The following RNF213 variants were observed in gnomAD, a reference collection of about 807,000 sequenced individuals.
RNF213 encodes E3 ubiquitin-protein ligase RNF213.
RNF213 carries 341 observed loss-of-function variants against 514.4 expected under a neutral mutation model. The observed-to-expected ratio is 0.66, with a 90% CI of 0.61 to 0.73. The LOEUF (loss-of-function observed/expected upper bound fraction) is 0.73. RNF213 is among the 30% of genes least tolerant of loss of function. The pLI, the probability that RNF213 is intolerant of heterozygous loss-of-function variation, is 0.00. For synonymous variants in RNF213, 2,655 were observed against 2,658.2 expected (o/e 1.00, Z 0.04); for missense variants, 5,767 against 6,615.6 (o/e 0.87, Z 4.45).
chr17:80,289,715 G>A lies in RNF213; in HGVS notation c.990G>A (p.Lys330=), dbSNP rs17853713. ...EMAAAEEKVG[K]NEQGEPEDLK... is the part of the protein sequence containing the mutation. The stretch of plus-strand genomic sequence containing the variant: ...CTGCTGCTGAAGAAAAAGTCGGTAA[G>A]AATGAACAAGGGGAGCCTGAAGACC... The change falls in exon 6 of 68, where the codon AAG becomes AAA. Residue 330 remains lysine (K), a synonymous_variant. Transcript: ENST00000582970. 0.2 allele frequency: 321,282 copies of A among 1,613,568 alleles called. 34,904 individuals carry two copies. The highest frequency in any genetic ancestry group is 0.41 in the African/African-American group (30,684 of 74,818).
intron 3 of RNF213, among the ~76,000 whole-genome samples, chr17:80,279,616 C>T (rs2044187274): frequency 6.6e-6 from 1 of 151,948 alleles, no homozygotes; most frequent in Admixed American, 6.6e-5. Context: ...AGGCACCTGC[C>T]ACCACGCCCG....
At position 80,290,559 on chromosome 17, in the gene RNF213, T is replaced by G; in HGVS notation, c.1113-11T>G. The G allele has an allele frequency of 1.2e-6, 2 of 1,613,420 alleles. No individual in the cohort carries two copies. The highest frequency in any genetic ancestry group is 1.7e-6 in the Non-Finnish European group (2 of 1,180,020). On this transcript the variant is annotated splice_polypyrimidine_tract_variant and intron_variant, in intron 6 of 67. Transcript: ENST00000582970. ...CACGGGAATCAGATTTCTGTTTTGG[T>G]TTTCCACCAGCACGCTGAGCCCGGG...
At chr17:80,372,145 C>T (rs940453619) in intron 47 of RNF213, among the ~76,000 whole-genome samples, 160 bp downstream of exon 47, 2 of 152,182 alleles carry the variant, frequency 1.3e-5, no homozygotes, top group Admixed American at 6.5e-5. Context: ...CCTTCAGCAA[C>T]GTATATTTTG....
chr17:80,369,364 C>T (rs577322348), intron 44 of RNF213, 138 bp from the exon 45 acceptor site: 115 of 871,654 alleles, frequency 1.3e-4, no homozygotes, highest in Non-Finnish European at 1.8e-4. Flanking sequence ...CGCCACTGTA[C>T]TCCAGCCTGG....
chr17:80,367,297 A>G (rs2144449669), intron 42 of RNF213, among the ~76,000 whole-genome samples: 1 of 152,344 alleles, frequency 6.6e-6, no homozygotes, highest in South Asian at 2.1e-4. Flanking sequence ...AGTTGTAACT[A>G]TATGCATAAT....
Position 80,319,318 on chromosome 17 carries a change from C to T in RNF213, c.3024+6C>T, listed in dbSNP as rs1169131986. On this transcript the variant is annotated splice_donor_region_variant and intron_variant, in intron 17 of 67. Transcript: ENST00000582970. Reference sequence around the variant, plus strand: ...CCGTGAGCTCAGCCTGCCAGGTGAACAATCTCTCCTCCTGGGAAACGGATT... The same window carrying T: ...CCGTGAGCTCAGCCTGCCAGGTGAATAATCTCTCCTCCTGGGAAACGGATT... 6.2e-7 allele frequency: 1 copy of T among 1,614,174 alleles called. No individual in the cohort carries two copies.
Position 80,363,719 on chromosome 17 carries a change from G to A in RNF213, c.11679G>A (p.Leu3893=), listed in dbSNP as rs895182957. 6.2e-7 allele frequency: 1 copy of A among 1,613,896 alleles called. No individual in the cohort carries two copies. The highest frequency in any genetic ancestry group is 8.5e-7 in the Non-Finnish European group (1 of 1,179,944). Reference sequence around the variant, plus strand: ...TGGTGAAGAATCTTTCCATGCCGCTGGAGCTCATCTGCTCCGATGAGCACA... The same window carrying A: ...TGGTGAAGAATCTTTCCATGCCGCTAGAGCTCATCTGCTCCGATGAGCACA... ...LQLVKNLSMP[L]ELICSDEHMQ... Residue 3893 remains leucine (L), a synonymous_variant, in exon 41 of 68, where the codon CTG becomes CTA. Coordinates refer to ENST00000582970, the MANE Select transcript of RNF213 (RefSeq NM_001256071.3).
intron 42 of RNF213, among the ~76,000 whole-genome samples, chr17:80,366,035 T>A (rs62076531): frequency 0.068 from 10,371 of 152,302 alleles, 460 homozygotes; most frequent in Non-Finnish European, 0.1. Context: ...CCAAAGACCT[T>A]ACCTCGTTAG....
Position 80,347,196 on chromosome 17 carries a change from G to C in RNF213, c.8861G>C (p.Arg2954Pro). 4 of 1,613,604 alleles carry C rather than the reference G, an allele frequency of 2.5e-6. No homozygotes were observed. Among genetic ancestry groups the C allele is most frequent in the Non-Finnish European group, 3.4e-6 (4 of 1,179,870 alleles). ...KRQDKEFFGL[R>P]DYYSLIKMVF... is the part of the protein sequence containing the mutation. ...CAGGACAAGGAATTCTTCGGGCTTCGTGACTACTACAGCCTCATCAAAATG... is the reference window on the plus strand; with the variant it reads ...CAGGACAAGGAATTCTTCGGGCTTCCTGACTACTACAGCCTCATCAAAATG... Residue 2954 changes from arginine (R) to proline (P), a missense_variant, in exon 29 of 68, where the codon CGT (arginine) becomes CCT (proline). Arg to Pro is a moderately radical substitution (Grantham distance 103, BLOSUM62 -2). This residue lies in a region of RNF213 where 919 missense variants were observed against 1,121.0 expected (regional missense o/e 0.82). Coordinates refer to ENST00000582970, the MANE Select transcript of RNF213 (RefSeq NM_001256071.3). This position sits in a 1 kb window ranked among gnomAD's most constrained non-coding sequence, Gnocchi z 7.2.
intron 17 of RNF213, chr17:80,319,857 A>G (rs559650500): frequency 4.3e-6 from 5 of 1,163,534 alleles, no homozygotes; most frequent in Admixed American, 4.1e-5. Flanking sequence ...CCCTGCTCAC[A>G]TTTCCTAATT....
chr17:80,308,534 G>C (rs1227011010), intron 13 of RNF213, among the ~76,000 whole-genome samples: 1 of 151,822 alleles, frequency 6.6e-6, no homozygotes, highest in Non-Finnish European at 1.5e-5. Flanking sequence ...TCCCTACCGA[G>C]TCCCTCCTAA....
intron 67 of RNF213, 111 bp from the exon 68 acceptor site, chr17:80,393,234 G>A (rs2144686009): frequency 9.2e-7 from 1 of 1,087,024 alleles, no homozygotes; most frequent in Non-Finnish European, 1.4e-6. Flanking sequence ...ACCCACCTCA[G>A]CCTCCCACAG....
Position 80,346,210 on chromosome 17 carries a change from C to T in RNF213, c.7875C>T (p.Phe2625=). 3 of 1,614,164 alleles carry T rather than the reference C, an allele frequency of 1.9e-6. No individual in the cohort carries two copies. The highest frequency in any genetic ancestry group is 2.2e-5 in the East Asian group (1 of 44,886). The change falls in exon 29 of 68, where the codon TTC becomes TTT. Residue 2625 remains phenylalanine (F), a synonymous_variant. Transcript: ENST00000582970. The surrounding 1 kb of genome is among the most constrained non-coding windows in gnomAD (Gnocchi z 8.1). ...AAGTCCTCTGCGCCTCTCAGGGTTTCATGAGGAAAACAGAAGATGAGTGCA... is the reference window on the plus strand; with the variant it reads ...AAGTCCTCTGCGCCTCTCAGGGTTTTATGAGGAAAACAGAAGATGAGTGCA... The part of the protein sequence containing the change: ...ITEVLCASQG[F]MRKTEDECSF...
At chr17:80,291,929 C>A in intron 8 of RNF213, 102 bp downstream of exon 8, 2 of 1,255,538 alleles carry the variant, frequency 1.6e-6, no homozygotes, top group Non-Finnish European at 2.3e-6. Flanking sequence ...TTTGCCTGGG[C>A]AGTGAGGTCC....
intron 17 of RNF213, among the ~76,000 whole-genome samples, chr17:80,322,351 C>T (rs566425716): frequency 4.6e-5 from 7 of 151,850 alleles, no homozygotes; most frequent in East Asian, 3.9e-4. Flanking sequence ...TTCTGTGGGC[C>T]GGGCATGGTG....
At chr17:80,387,933 G>T (rs1013001320) in intron 63 of RNF213, among the ~76,000 whole-genome samples, 2 of 151,310 alleles carry the variant, frequency 1.3e-5, no homozygotes, top group African/African-American at 4.9e-5. Context: ...AACTGGGCCA[G>T]GAACTGTGAG....
chr17:80,281,880 G>A (rs947192835), intron 3 of RNF213, among the ~76,000 whole-genome samples: 1 of 151,852 alleles, frequency 6.6e-6, no homozygotes, highest in East Asian at 1.9e-4. Flanking sequence ...TTTTTGAGAC[G>A]GATTCTCTCT....
At chr17:80,271,503 G>GGCCCCCCAT (rs1365836657) in intron 2 of RNF213, among the ~76,000 whole-genome samples, 2 of 152,214 alleles carry the variant, frequency 1.3e-5, no homozygotes, top group Non-Finnish European at 2.9e-5. Context: ...CCTTGGAGAA[G>GGCCCCCCAT]GGTCTGTGGG....
chr17:80,319,906 CAG>C (rs771261410), intron 17 of RNF213: 4 of 1,065,638 alleles, frequency 3.8e-6, no homozygotes, highest in Non-Finnish European at 4.6e-6. Context: ...CTTGCGGCCA[CAG>C]GGGAAGTCCA....
Sources: allele counts gnomAD v4.1 joint callset (sites outside exome capture counted in the v4.1 genomes callset), GRCh38; gene constraint gnomAD v4.1.1; regional missense constraint gnomAD v4.1.1; non-coding constraint Gnocchi (gnomAD v3.1); transcripts MANE v1.5; gene names NCBI Gene and HGNC (gene_info 2026-07-23, HGNC 2026-07-21).